ZDHHC3: variants seen among roughly 807,000 people sequenced by gnomAD.
ZDHHC3 encodes the protein zDHHC palmitoyltransferase 3, also known as palmitoyltransferase ZDHHC3.
Under a neutral mutation model 30.6 loss-of-function variants are expected in ZDHHC3, and 9 were observed. The observed-to-expected ratio is 0.29, with a 90% CI of 0.18 to 0.51. The LOEUF (loss-of-function observed/expected upper bound fraction) is 0.51, where lower values mean the gene tolerates loss of function less well. ZDHHC3 is among the 20% of genes least tolerant of loss of function. The probability of loss-of-function intolerance (pLI) is 0.97; values close to 1 mark genes in which losing one functional copy is unlikely to be tolerated. For synonymous variants in ZDHHC3, 136 were observed against 140.2 expected, an observed-to-expected ratio of 0.97 and a Z score of 0.21; for missense variants, 246 against 384.2, an observed-to-expected ratio of 0.64 and a Z score of 3.01.
rs926396286 is a variant in ZDHHC3, at chr3:44,918,623, G to A, written c.*8066C>T. ...AGGACGATGGGGTTAAGGAAGGAGTGCAGGACACAAACAGCATGCGAGGTG... is the reference window on the plus strand; with the variant it reads ...AGGACGATGGGGTTAAGGAAGGAGTACAGGACACAAACAGCATGCGAGGTG... On this transcript the variant is annotated 3_prime_UTR_variant, in exon 7 of 7. Coordinates refer to ENST00000424952, the MANE Select transcript of ZDHHC3 (RefSeq NM_001135179.2). 1 of 985,464 alleles carries A rather than the reference G, an allele frequency of 1.0e-6. No individual in the cohort carries two copies. Among genetic ancestry groups the A allele is most frequent in the Non-Finnish European group, 1.2e-6 (1 of 829,940 alleles). The allele number at this position is 985,464 out of a possible 1,614,324, so 61.0% of individuals were successfully genotyped here. A position where few individuals can be genotyped will look rare whatever the true frequency, so the allele number is the denominator to read the frequency against.
At chr3:44,936,244 C>T (rs1377418003) in intron 3 of ZDHHC3, among the ~76,000 whole-genome samples, 1 of 151,932 alleles carries the variant, frequency 6.6e-6, no homozygotes, top group East Asian at 1.9e-4. Context: ...GGCCAAGAAG[C>T]ATATGAAAAA....
chr3:44,966,756 T>C (rs1299997609), intron 1 of ZDHHC3, among the ~76,000 whole-genome samples: 1 of 152,242 alleles, frequency 6.6e-6, no homozygotes, highest in African/African-American at 2.4e-5. Context: ...AAAAGGATTG[T>C]AAATTTTATG....
chr3:44,959,428 A>T lies in ZDHHC3; in HGVS notation c.9T>A (p.Leu3=), dbSNP rs1704269427. The stretch of plus-strand genomic sequence containing the variant: ...TGTTTCGGAAGTGGTGGGTGGGGAT[A>T]AGCATCATAAGCTATTCTGTCCATA... MM[L]IPTHHFRNIE... Residue 3 remains leucine, a synonymous_variant, in exon 2 of 7, where the codon CTT becomes CTA. Transcript: ENST00000424952. This position sits in a 1 kb window ranked among gnomAD's most constrained non-coding sequence, Gnocchi z 4.3. The T allele has an allele frequency of 6.2e-7, 1 of 1,613,528 alleles. No homozygotes were observed. Among genetic ancestry groups the T allele is most frequent in the Admixed American group, 1.7e-5 (1 of 60,004 alleles).
At chr3:44,931,248 G>A (rs1421558298) in intron 5 of ZDHHC3, among the ~76,000 whole-genome samples, 2 of 152,194 alleles carry the variant, frequency 1.3e-5, no homozygotes, top group African/African-American at 4.8e-5. Context: ...CCTTGGCCTG[G>A]CAGGAGCACA....
chr3:44,920,594 T>A lies in ZDHHC3; in HGVS notation c.*6095A>T. 1.0e-6 allele frequency: 1 copy of A among 985,376 alleles called. No homozygotes were observed. The highest frequency in any genetic ancestry group is 1.2e-6 in the Non-Finnish European group (1 of 829,910). 61.0% of individuals were successfully genotyped at this position (985,376 alleles called of 1,614,324 possible). A position where few individuals can be genotyped will look rare whatever the true frequency, so the allele number is the denominator to read the frequency against. On this transcript the variant is annotated 3_prime_UTR_variant, in exon 7 of 7. Coordinates refer to ENST00000424952, the MANE Select transcript of ZDHHC3 (RefSeq NM_001135179.2). ...CAAGGCTCATCTAGCTTGTTATGTA[T>A]CAGAACTGGAACCAGAACTAGTGTC...
chr3:44,920,834 G>A lies in ZDHHC3; in HGVS notation c.*5855C>T, dbSNP rs1700541471. On this transcript the variant is annotated 3_prime_UTR_variant, in exon 7 of 7. Coordinates refer to ENST00000424952, the MANE Select transcript of ZDHHC3 (RefSeq NM_001135179.2). ...GACAGAGCCTGGCCTGTCTACCAGA[G>A]GTCTTCAGCAGTAAAGTCGACAAAC... The A allele has an allele frequency of 3.0e-6, 3 of 985,422 alleles. No homozygotes were observed. Among genetic ancestry groups the A allele is most frequent in the African/African-American group, 3.5e-5 (2 of 57,336 alleles). 61.0% of individuals were successfully genotyped at this position (985,422 alleles called of 1,614,324 possible).
Position 44,922,845 on chromosome 3 carries a change from T to C in ZDHHC3, c.*3844A>G, listed in dbSNP as rs752507105. ...TGGTCTGGCAACCTCAAGAACACCT[T>C]TGAGGAGGATTCTAGCAAAATCTTT... On this transcript the variant is annotated 3_prime_UTR_variant, in exon 7 of 7. Coordinates refer to ENST00000424952, the MANE Select transcript of ZDHHC3 (RefSeq NM_001135179.2). 3.7e-4 allele frequency: 369 copies of C among 985,148 alleles called. No individual in the cohort carries two copies. The highest frequency in any genetic ancestry group is 4.3e-4 in the Non-Finnish European group (356 of 829,892). 61.0% of individuals were successfully genotyped at this position (985,148 alleles called of 1,614,324 possible). A position where few individuals can be genotyped will look rare whatever the true frequency, so the allele number is the denominator to read the frequency against.
rs778177889 is a variant in ZDHHC3 at position 44,921,937 on chromosome 3, G to A, written c.*4752C>T. On this transcript the variant is annotated 3_prime_UTR_variant, in exon 7 of 7. Coordinates refer to ENST00000424952, the MANE Select transcript of ZDHHC3 (RefSeq NM_001135179.2). ...CTTTTAGCGAACGTCCCTCTGCAGCGCTTGTCCTCACTCCTTGGATCAGCT... is the reference window on the plus strand; with the variant it reads ...CTTTTAGCGAACGTCCCTCTGCAGCACTTGTCCTCACTCCTTGGATCAGCT... The A allele has an allele frequency of 8.1e-6, 8 of 985,294 alleles. No individual in the cohort carries two copies. The highest frequency in any genetic ancestry group is 4.7e-5 in the South Asian group (1 of 21,290). 61.0% of individuals were successfully genotyped at this position (985,294 alleles called of 1,614,324 possible). A position where few individuals can be genotyped will look rare whatever the true frequency, so the allele number is the denominator to read the frequency against.
rs1700215923 is a variant in ZDHHC3 at position 44,916,941 on chromosome 3, G to T, written c.*9748C>A. 1.3e-5 allele frequency: 2 copies of T among 152,196 alleles called. No homozygotes were observed. The highest frequency in any genetic ancestry group is 2.9e-5 in the Non-Finnish European group (2 of 68,028). 9.4% of individuals were successfully genotyped at this position (152,196 alleles called of 1,614,324 possible). A position where few individuals can be genotyped will look rare whatever the true frequency, so the allele number is the denominator to read the frequency against. On this transcript the variant is annotated 3_prime_UTR_variant, in exon 7 of 7. Coordinates refer to ENST00000424952, the MANE Select transcript of ZDHHC3 (RefSeq NM_001135179.2). ...AGACAAGATGGGCACCAATTTGGGA[G>T]AACTGGCCTTTTCAAACACACAGGC...
chr3:44,967,222 A>C (rs1705033002), intron 1 of ZDHHC3, among the ~76,000 whole-genome samples: 1 of 152,264 alleles, frequency 6.6e-6, no homozygotes, highest in Non-Finnish European at 1.5e-5. Context: ...ACCTTCTTAC[A>C]AAACCCATTC....
chr3:44,958,694 GGA>G, intron 2 of ZDHHC3: 3 of 1,535,382 alleles, frequency 2.0e-6, no homozygotes, highest in Non-Finnish European at 2.6e-6. Context: ...TCCTGGAATT[GGA>G]TGTGGCTTTA....
rs774835607 is a variant in ZDHHC3, at chr3:44,933,841, C to T, written c.528+47G>A. 3.3e-6 allele frequency: 5 copies of T among 1,523,582 alleles called. No homozygotes were observed. The African/African-American group carries it at 5.5e-5, about 17-fold the overall frequency. The allele number at this position is 1,523,582 out of a possible 1,614,324, so 94.4% of individuals were successfully genotyped here. ...TGAGAATTTTCAAAGGAACAAAGTG[C>T]TCCATTGCTTCATGGGGGGCAGGGC... On this transcript the variant is annotated intron_variant, in intron 4 of 6. Transcript: ENST00000424952.
chr3:44,932,908 T>C (rs1701622493), intron 5 of ZDHHC3: 1 of 1,614,050 alleles, frequency 6.2e-7, no homozygotes, highest in Non-Finnish European at 8.5e-7. Flanking sequence ...TGACTTTACC[T>C]GTCGAACTGA....
Position 44,920,503 on chromosome 3 carries a change from G to A in ZDHHC3, c.*6186C>T. 1.0e-6 allele frequency: 1 copy of A among 985,410 alleles called. No homozygotes were observed. The highest frequency in any genetic ancestry group is 1.1e-4 in the East Asian group (1 of 8,810). The allele number at this position is 985,410 out of a possible 1,614,324, so 61.0% of individuals were successfully genotyped here. A position where few individuals can be genotyped will look rare whatever the true frequency, so the allele number is the denominator to read the frequency against. ...TTTTATGGCCTCCTTGTGAGGAGGT[G>A]GGTATGAGTATTGATGATTGGCAGA... On this transcript the variant is annotated 3_prime_UTR_variant, in exon 7 of 7. Transcript: ENST00000424952.
At position 44,942,934 on chromosome 3, in the gene ZDHHC3, A is replaced by G. The variant is rs76694593; in HGVS notation, c.431+2234T>C. On this transcript the variant is annotated intron_variant, in intron 3 of 6. Transcript: ENST00000424952. ...AAGCAAGCTGAGCTTTTTAAAAAAA[A>G]TCTGAGTGATGGTTAGAAAACAGCT... Among the ~76,000 whole-genome samples the G allele has an allele frequency of 4.8e-3, 737 of 152,340 alleles. 5 individuals carry two copies. Among genetic ancestry groups the G allele is most frequent in the African/African-American group, 0.017 (709 of 41,584 alleles).
chr3:44,966,720 A>G (rs1704981992), intron 1 of ZDHHC3, among the ~76,000 whole-genome samples: 1 of 152,222 alleles, frequency 6.6e-6, no homozygotes, highest in African/African-American at 2.4e-5. Context: ...CCTGCACTAC[A>G]ATTACCTTTA....
chr3:44,925,240 T>C lies in ZDHHC3; in HGVS notation c.*1449A>G. On this transcript the variant is annotated 3_prime_UTR_variant, in exon 7 of 7. Coordinates refer to ENST00000424952, the MANE Select transcript of ZDHHC3 (RefSeq NM_001135179.2). ...CTGACAGAATTGAAAAGTGGCAGCA[T>C]GTTCCACTTACTTTTCTGAAAAATC... is the stretch of plus-strand genomic sequence containing the variant. 1.0e-6 allele frequency: 1 copy of C among 985,926 alleles called. No individual in the cohort carries two copies. The highest frequency in any genetic ancestry group is 1.2e-6 in the Non-Finnish European group (1 of 829,942). 61.1% of individuals were successfully genotyped at this position (985,926 alleles called of 1,614,324 possible).
intron 1 of ZDHHC3, among the ~76,000 whole-genome samples, chr3:44,964,112 A>G (rs1704722464): frequency 6.6e-6 from 1 of 152,206 alleles, no homozygotes; most frequent in African/African-American, 2.4e-5. Flanking sequence ...GCTCAAATCA[A>G]TAATTCCTGA....
intron 2 of ZDHHC3, among the ~76,000 whole-genome samples, chr3:44,950,681 A>G (rs1703369227): frequency 6.6e-6 from 1 of 152,162 alleles, no homozygotes; most frequent in Non-Finnish European, 1.5e-5. Flanking sequence ...TACACTTTCC[A>G]GTCTCTGCCT....
Sources: allele counts gnomAD v4.1 joint callset (sites outside exome capture counted in the v4.1 genomes callset), GRCh38; gene constraint gnomAD v4.1.1; non-coding constraint Gnocchi (gnomAD v3.1); transcripts MANE v1.5; gene names NCBI Gene and HGNC (gene_info 2026-07-23, HGNC 2026-07-21).